The following CTSC variants were observed in gnomAD, a reference collection of about 807,000 sequenced individuals.
CTSC encodes the protein cathepsin C, also known as dipeptidyl peptidase 1.
A neutral mutation model predicts 40.9 loss-of-function variants in CTSC; 37 were observed. That is an observed-to-expected ratio of 0.91 (90% CI 0.70 to 1.19). The LOEUF (loss-of-function observed/expected upper bound fraction) is 1.19. CTSC is among the 50% of genes most tolerant of loss of function. The pLI is 0.00. For synonymous variants in CTSC, 232 were observed against 207.4 expected, an observed-to-expected ratio of 1.12 and a Z score of -1.02; for missense variants, 594 against 567.3, an observed-to-expected ratio of 1.05 and a Z score of -0.48.
rs190217611 is a variant in CTSC at position 88,307,368 on chromosome 11, G to A, written c.641+1795C>T. Among the ~76,000 whole-genome samples the A allele has an allele frequency of 1.7e-3, 261 of 152,218 alleles. 2 individuals carry two copies. The highest frequency in any genetic ancestry group is 6.1e-3 in the African/African-American group (253 of 41,530). On this transcript the variant is annotated intron_variant, in intron 4 of 6. Transcript: ENST00000227266. ...TGTTAAGGAACTATATTAGATAGATGTAGATCCTAAGCTAGATCCAGCTAT... is the reference window on the plus strand; with the variant it reads ...TGTTAAGGAACTATATTAGATAGATATAGATCCTAAGCTAGATCCAGCTAT...
intron 1 of CTSC, among the ~76,000 whole-genome samples, chr11:88,336,178 G>C (rs1938486641): frequency 6.7e-6 from 1 of 149,980 alleles, no homozygotes; most frequent in Admixed American, 6.7e-5. Context: ...ATGGGAGATT[G>C]CATGTGACAG....
chr11:88,324,082 G>A (rs1349024451), intron 2 of CTSC: 1 of 152,112 alleles, frequency 6.6e-6, no homozygotes, highest in East Asian at 1.9e-4. Flanking sequence ...AGAGAATGAA[G>A]ATCTCAGAAA....
At chr11:88,328,070 T>C (rs1938239946) in intron 2 of CTSC, 2 of 1,316,700 alleles carry the variant, frequency 1.5e-6, no homozygotes, top group Non-Finnish European at 2.2e-6. Flanking sequence ...TGAGGAAGCT[T>C]GCTTTTAATA....
intron 4 of CTSC, among the ~76,000 whole-genome samples, chr11:88,301,536 C>T (rs1484443305): frequency 6.6e-6 from 1 of 151,970 alleles, no homozygotes; most frequent in African/African-American, 2.4e-5. Flanking sequence ...GAGTTTTGTC[C>T]AATTCTTTGT....
chr11:88,336,761 C>T (rs1232999425), intron 1 of CTSC, among the ~76,000 whole-genome samples: 1 of 152,016 alleles, frequency 6.6e-6, no homozygotes, highest in Non-Finnish European at 1.5e-5. Context: ...TCCACCCCAC[C>T]CCCTTCACTA....
At chr11:88,300,307 G>C (rs1022283466) in intron 5 of CTSC, among the ~76,000 whole-genome samples, 1 of 152,170 alleles carries the variant, frequency 6.6e-6, no homozygotes, top group Non-Finnish European at 1.5e-5. Context: ...ATATTGAGAA[G>C]AGTACTGAAT....
At chr11:88,332,186 T>C (rs1401953547) in intron 2 of CTSC, among the ~76,000 whole-genome samples, 1 of 152,210 alleles carries the variant, frequency 6.6e-6, no homozygotes, top group Non-Finnish European at 1.5e-5. Flanking sequence ...GTAATGGCAG[T>C]AGGTTGAGTA....
chr11:88,328,221 CTGAG>C, intron 2 of CTSC: 3 of 1,525,902 alleles, frequency 2.0e-6, no homozygotes, highest in Non-Finnish European at 2.7e-6. Context: ...CAATGGTAAA[CTGAG>C]TCATTATGTT....
At chr11:88,328,309 T>TG in intron 2 of CTSC, 1 of 766,138 alleles carries the variant, frequency 1.3e-6, no homozygotes, top group African/African-American at 1.7e-5. Flanking sequence ...CTGATACTTT[T>TG]CCTCCACTGA....
Position 88,316,812 on chromosome 11 carries a change from A to G in CTSC, c.319-4258T>C, listed in dbSNP as rs1937891024. Among the ~76,000 whole-genome samples, 4 of 152,300 alleles carry G rather than the reference A, an allele frequency of 2.6e-5. No individual in the cohort carries two copies. The East Asian group carries it at 7.7e-4, about 29-fold the overall frequency. ...AGAGGTGTGGTGATGCCAATATATCACAATGTCTGACAGTCCAAATCACAG... is the reference window on the plus strand; with the variant it reads ...AGAGGTGTGGTGATGCCAATATATCGCAATGTCTGACAGTCCAAATCACAG... On this transcript the variant is annotated intron_variant, in intron 2 of 6. Coordinates refer to ENST00000227266, the MANE Select transcript of CTSC (RefSeq NM_001814.6).
chr11:88,323,800 G>T (rs1938099811), intron 2 of CTSC: 1 of 152,190 alleles, frequency 6.6e-6, no homozygotes, highest in Admixed American at 6.5e-5. Context: ...CATGCTCATG[G>T]ATAGGAAGAA....
At chr11:88,306,348 C>A (rs1376485593) in intron 4 of CTSC, among the ~76,000 whole-genome samples, 1 of 152,110 alleles carries the variant, frequency 6.6e-6, no homozygotes, top group Non-Finnish European at 1.5e-5. Flanking sequence ...AAAGGCCCCA[C>A]CCTCAAGCCT....
intron 2 of CTSC, chr11:88,322,603 CAGA>C (rs1938051467): frequency 6.6e-6 from 1 of 152,108 alleles, no homozygotes; most frequent in African/African-American, 2.4e-5. Flanking sequence ...ACTGATCTCA[CAGA>C]AGTACAAACA....
intron 4 of CTSC, among the ~76,000 whole-genome samples, chr11:88,301,837 G>C (rs564306): frequency 0.024 from 2,560 of 107,092 alleles, 29 homozygotes; most frequent in East Asian, 0.05. Context: ...CACACACACA[G>C]AGAGAGAACC....
At chr11:88,296,728 C>G (rs562037631) in intron 5 of CTSC, 1 of 242,814 alleles carries the variant, frequency 4.1e-6, no homozygotes, top group Admixed American at 5.2e-5. Flanking sequence ...ACCCCAATCC[C>G]AAAAGTGATG....
intron 4 of CTSC, among the ~76,000 whole-genome samples, chr11:88,301,247 C>T (rs536253731): frequency 2.0e-5 from 3 of 152,254 alleles, no homozygotes; most frequent in African/African-American, 7.2e-5. Context: ...TCATCCTCTC[C>T]GTTTACATGG....
chr11:88,310,652 T>G (rs989509258), intron 3 of CTSC, among the ~76,000 whole-genome samples: 6 of 152,178 alleles, frequency 3.9e-5, no homozygotes, highest in Non-Finnish European at 7.3e-5. Context: ...AATGTTTTTG[T>G]CGAAGTTCTT....
Position 88,309,321 on chromosome 11 carries a change from G to C in CTSC, c.486-3C>G. Reference sequence around the variant, plus strand: ...ACTTGTAGAGCCTATTAGAATACCTGTCCCCAAAAATGAGATAATTTCAGA... The same window carrying C: ...ACTTGTAGAGCCTATTAGAATACCTCTCCCCAAAAATGAGATAATTTCAGA... On this transcript the variant is annotated splice_polypyrimidine_tract_variant and splice_region_variant and intron_variant, in intron 3 of 6. Transcript: ENST00000227266. The C allele has an allele frequency of 6.2e-7, 1 of 1,611,304 alleles. No homozygotes were observed. The highest frequency in any genetic ancestry group is 8.5e-7 in the Non-Finnish European group (1 of 1,177,598).
intron 2 of CTSC, among the ~76,000 whole-genome samples, chr11:88,329,332 A>C (rs1373611533): frequency 6.6e-6 from 1 of 151,706 alleles, no homozygotes. Context: ...AAATACAAAA[A>C]TTAGCTGGGC....
Sources: gnomAD v4.1 joint callset for allele counts (sites outside exome capture counted in the v4.1 genomes callset) on GRCh38, gnomAD v4.1.1 for gene constraint, MANE v1.5 for transcripts, NCBI Gene and HGNC (gene_info 2026-07-23, HGNC 2026-07-21) for gene names.